Variants in SATB2 observed in about 807,000 individuals in gnomAD.
The protein encoded by SATB2 is SATB homeobox 2.
Under a neutral mutation model 73.4 loss-of-function variants are expected in SATB2, and 1 was observed. The ratio of observed to expected loss-of-function variants is 0.01; its 90% CI spans 0.00 to 0.06. The LOEUF (loss-of-function observed/expected upper bound fraction) is 0.06. Ranked by LOEUF, SATB2 falls within the 10% of genes least tolerant of loss-of-function variation. The pLI is 1.00. For missense variants in SATB2, 459 were observed against 945.8 expected (o/e 0.49, Z 6.75); for synonymous variants, 397 against 367.0 (o/e 1.08, Z -0.93).
chr2:199,398,817 A>G (rs1690380641), intron 3 of SATB2, among the ~76,000 whole-genome samples: 4 of 152,220 alleles, frequency 2.6e-5, no homozygotes, highest in African/African-American at 9.7e-5. Flanking sequence ...AGGTTTGACA[A>G]GTGTGGAAAT....
chr2:199,463,800 G>A lies in SATB2; in HGVS notation c.-141+1036C>T, dbSNP rs1692533360. On this transcript the variant is annotated intron_variant, in intron 1 of 11. Coordinates refer to the SATB2 transcript ENST00000260926. This position sits in a 1 kb window ranked among gnomAD's most constrained non-coding sequence, Gnocchi z 6.4. ...TTGAAATGAAAAGTACACCTGGAAA[G>A]CCCAAGATAGCACCCGGTCCGCACC... 6.6e-6 allele frequency among the ~76,000 whole-genome samples: 1 copy of A among 152,180 alleles called. No homozygotes were observed. Among genetic ancestry groups the A allele is most frequent in the South Asian group, 2.1e-4 (1 of 4,832 alleles).
At chr2:199,273,168 A>G (rs1326113138) in intron 10 of SATB2, among the ~76,000 whole-genome samples, 1 of 152,202 alleles carries the variant, frequency 6.6e-6, no homozygotes, top group Admixed American at 6.5e-5. Context: ...AACCTCCTAG[A>G]GATGTTGTAA....
chr2:199,467,423 C>G (rs954986780), upstream of SATB2: 6 of 152,222 alleles, frequency 3.9e-5, no homozygotes, highest in Non-Finnish European at 8.8e-5. Flanking sequence ...CCTTAGGTGC[C>G]GGGCTTCAGC....
intron 10 of SATB2, among the ~76,000 whole-genome samples, chr2:199,297,781 T>C (rs773463101): frequency 5.4e-5 from 7 of 129,886 alleles, no homozygotes; most frequent in African/African-American, 7.7e-5. Flanking sequence ...TGAAGTAGCC[T>C]TTTTGCTTTT....
At chr2:199,374,826 T>C (rs1450495929) in intron 5 of SATB2, among the ~76,000 whole-genome samples, 3 of 152,100 alleles carry the variant, frequency 2.0e-5, no homozygotes, top group Admixed American at 6.5e-5. Flanking sequence ...TAGCCGGGCA[T>C]GGTGGTGCTC....
At chr2:199,394,669 C>T (rs1008296008) in intron 3 of SATB2, among the ~76,000 whole-genome samples, 2 of 152,062 alleles carry the variant, frequency 1.3e-5, no homozygotes, top group South Asian at 2.1e-4. Context: ...GGCGTGGTGG[C>T]ACGTACCTGC....
intron 7 of SATB2, among the ~76,000 whole-genome samples, chr2:199,333,281 G>A (rs1320890229): frequency 1.3e-5 from 2 of 152,080 alleles, no homozygotes; most frequent in Non-Finnish European, 2.9e-5. Flanking sequence ...CATATGATGG[G>A]AAGGAGAAGG....
At chr2:199,424,223 G>T (rs916336188) in intron 3 of SATB2, among the ~76,000 whole-genome samples, 30 of 152,294 alleles carry the variant, frequency 2.0e-4, no homozygotes, top group Middle Eastern at 6.8e-3. Context: ...AGCTCTCAAA[G>T]CTGCCATCAA....
intron 8 of SATB2, 73 bp from the exon 9 acceptor site, chr2:199,324,031 A>G (rs1687966848): frequency 6.4e-7 from 1 of 1,551,588 alleles, no homozygotes; most frequent in Non-Finnish European, 8.9e-7. Context: ...AGAAATTATC[A>G]AAGGATTTCA....
chr2:199,375,392 C>T (rs898988808), intron 5 of SATB2, among the ~76,000 whole-genome samples: 5 of 152,130 alleles, frequency 3.3e-5, no homozygotes, highest in Non-Finnish European at 7.4e-5. Flanking sequence ...AAAATAAATA[C>T]GCAGACACAC....
intron 2 of SATB2, among the ~76,000 whole-genome samples, chr2:199,435,199 CAAAG>C (rs947247616): frequency 5.3e-5 from 8 of 151,878 alleles, no homozygotes; most frequent in Admixed American, 1.3e-4. Context: ...ATTTTTTAGA[CAAAG>C]AAGAAGATTT....
chr2:199,467,208 T>C (rs1281429573), upstream of SATB2, among the ~76,000 whole-genome samples: 1 of 152,268 alleles, frequency 6.6e-6, no homozygotes, highest in Admixed American at 6.5e-5. Flanking sequence ...CAGAGCCCTC[T>C]TGTTGGCCGG....
At chr2:199,422,547 G>A (rs1014241543) in intron 3 of SATB2, among the ~76,000 whole-genome samples, 21 of 152,012 alleles carry the variant, frequency 1.4e-4, no homozygotes, top group Admixed American at 2.6e-4. Flanking sequence ...GTCAACCTTC[G>A]GTTTATGCCT....
intron 10 of SATB2, among the ~76,000 whole-genome samples, chr2:199,279,455 G>T (rs1692414954): frequency 6.6e-6 from 1 of 152,174 alleles, no homozygotes; most frequent in African/African-American, 2.4e-5. Flanking sequence ...TTAAGTTTAG[G>T]AAAGTATGTA....
At chr2:199,348,337 A>C (rs10153805) in intron 7 of SATB2, 2 of 174,174 alleles carry the variant, frequency 1.1e-5, no homozygotes, top group African/African-American at 4.8e-5. Flanking sequence ...ATAGTTTTAT[A>C]ATTTGTTTTA....
chr2:199,427,376 A>G lies in SATB2; in HGVS notation c.346+5962T>C, dbSNP rs549211447. Among the ~76,000 whole-genome samples the G allele has an allele frequency of 1.1e-3, 169 of 152,290 alleles. 1 individual carries two copies. The highest frequency in any genetic ancestry group is 0.01 in the Middle Eastern group (3 of 294). On this transcript the variant is annotated intron_variant, in intron 3 of 10. Coordinates refer to ENST00000417098, the MANE Select transcript of SATB2 (RefSeq NM_001172509.2). ...CACATCAACCAAGTGCAATTTATAG[A>G]TTTGTATGGCTCCTAATTTGAATAA...
intron 6 of SATB2, among the ~76,000 whole-genome samples, chr2:199,367,266 G>A (rs1001358751): frequency 2.6e-5 from 4 of 152,096 alleles, no homozygotes; most frequent in Non-Finnish European, 4.4e-5. Flanking sequence ...ATTAATATGC[G>A]AAAGCATTTG....
chr2:199,355,221 T>C, intron 6 of SATB2, among the ~76,000 whole-genome samples: 1 of 150,498 alleles, frequency 6.6e-6, no homozygotes, highest in African/African-American at 2.4e-5. Context: ...ATATAGTGTG[T>C]ATATATGTGT....
At chr2:199,445,236 T>C (rs1242141287) in intron 2 of SATB2, among the ~76,000 whole-genome samples, 1 of 152,168 alleles carries the variant, frequency 6.6e-6, no homozygotes, top group Non-Finnish European at 1.5e-5. Context: ...GGAATTACTT[T>C]GCAGCTTGTT....
Sources: gnomAD v4.1 joint callset for allele counts (sites outside exome capture counted in the v4.1 genomes callset) on GRCh38, gnomAD v4.1.1 for gene constraint, Gnocchi (gnomAD v3.1) non-coding constraint, MANE v1.5 for transcripts, NCBI Gene and HGNC (gene_info 2026-07-23, HGNC 2026-07-21) for gene names.